MBOAT1: variants seen among roughly 807,000 people sequenced by gnomAD.
The protein encoded by MBOAT1 is membrane-bound glycerophospholipid O-acyltransferase 1.
In MBOAT1, 67 loss-of-function variants were observed where a neutral mutation model predicts 64.4. That is an observed-to-expected ratio of 1.04 (90% confidence interval 0.85 to 1.27). The LOEUF (loss-of-function observed/expected upper bound fraction) is 1.27. MBOAT1 is among the 50% of genes most tolerant of loss of function. The pLI, the probability that MBOAT1 is intolerant of heterozygous loss-of-function variation, is 0.00. For missense variants in MBOAT1, 563 were observed against 604.6 expected, an observed-to-expected ratio of 0.93 and a Z score of 0.72; for synonymous variants, 229 against 218.9, an observed-to-expected ratio of 1.05 and a Z score of -0.41.
At chr6:20,169,126 C>T (rs1005538872) in intron 1 of MBOAT1, among the ~76,000 whole-genome samples, 1 of 152,080 alleles carries the variant, frequency 6.6e-6, no homozygotes, top group Non-Finnish European at 1.5e-5. Flanking sequence ...TAGCCATATA[C>T]GCTCTCCTGT....
Position 20,126,596 on chromosome 6 carries a change from C to A in MBOAT1, c.635G>T (p.Gly212Val). 1 of 1,613,976 alleles carries A rather than the reference C, an allele frequency of 6.2e-7. No individual in the cohort carries two copies. The highest frequency in any genetic ancestry group is 8.5e-7 in the Non-Finnish European group (1 of 1,179,982). Residue 212 changes from glycine to valine, a missense_variant, in exon 7 of 13, where the codon GGG becomes GTG. Transcript: ENST00000324607. ...NFKDYIAFIE[G>V]KHIHMKLLEV... ...CAGCAACTTCATGTGTATATGCTTC[C>A]CCTCAATGAAGGCTATGTAGTCCTT...
intron 7 of MBOAT1, 61 bp downstream of exon 7, chr6:20,126,456 C>CATT: frequency 7.2e-7 from 1 of 1,386,880 alleles, no homozygotes; most frequent in South Asian, 1.4e-5. Flanking sequence ...TAATTAGAAC[C>CATT]ATTATTAGAG....
At chr6:20,208,878 G>A (rs1763340094) in intron 1 of MBOAT1, among the ~76,000 whole-genome samples, 1 of 152,146 alleles carries the variant, frequency 6.6e-6, no homozygotes, top group Non-Finnish European at 1.5e-5. Flanking sequence ...AGCTTTCACA[G>A]CTCCTAGGAC....
chr6:20,201,935 T>A (rs1274993334), intron 1 of MBOAT1, among the ~76,000 whole-genome samples: 1 of 150,798 alleles, frequency 6.6e-6, no homozygotes, highest in African/African-American at 2.4e-5. Context: ...TTTAAAAAAA[T>A]CAATAAAAAA....
chr6:20,162,446 T>A (rs1383725382), intron 1 of MBOAT1, among the ~76,000 whole-genome samples: 1 of 152,210 alleles, frequency 6.6e-6, no homozygotes, highest in Non-Finnish European at 1.5e-5. Flanking sequence ...AGGAGCTTGT[T>A]AACCTATAAT....
chr6:20,104,829 A>C (rs2113622305), intron 12 of MBOAT1, among the ~76,000 whole-genome samples: 1 of 152,374 alleles, frequency 6.6e-6, no homozygotes, highest in African/African-American at 2.4e-5. Flanking sequence ...ACAGAAGCAA[A>C]CATACATGCA....
At chr6:20,191,401 T>C (rs144804803) in intron 1 of MBOAT1, among the ~76,000 whole-genome samples, 1 of 152,354 alleles carries the variant, frequency 6.6e-6, no homozygotes, top group Non-Finnish European at 1.5e-5. Flanking sequence ...AATATTATAT[T>C]GAAGGCTTTC....
chr6:20,124,563 GA>G lies in MBOAT1; in HGVS notation c.751del (p.Ser251LeufsTer6). ...VIHKLGITLV[S>X]LLLFLTLTKT... ...CGTTAGCGTCAAAAACAAAAGGAGA[GA>G]CACCAAGGTGATGCCCAACTTGTGT... On this transcript the variant is annotated frameshift_variant, in exon 8 of 13. Coordinates refer to ENST00000324607, the MANE Select transcript of MBOAT1 (RefSeq NM_001080480.3). LOFTEE classifies it high-confidence loss of function. 6.2e-7 allele frequency: 1 copy of G among 1,614,206 alleles called. No individual in the cohort carries two copies. The highest frequency in any genetic ancestry group is 1.1e-5 in the South Asian group (1 of 91,078).
intron 12 of MBOAT1, among the ~76,000 whole-genome samples, chr6:20,107,709 C>A (rs1416877037): frequency 6.6e-6 from 1 of 151,774 alleles, no homozygotes; most frequent in East Asian, 1.9e-4. Context: ...GGAATACAGG[C>A]ACTTCTGCTA....
chr6:20,179,601 T>C (rs1041674968), intron 1 of MBOAT1, among the ~76,000 whole-genome samples: 1 of 152,230 alleles, frequency 6.6e-6, no homozygotes, highest in Non-Finnish European at 1.5e-5. Context: ...GTGTCTGTTA[T>C]TGTGAATAGT....
intron 8 of MBOAT1, 112 bp downstream of exon 8, chr6:20,124,296 C>G: frequency 9.6e-7 from 1 of 1,046,164 alleles, no homozygotes; most frequent in African/African-American, 1.6e-5. Context: ...CAACTGCCTC[C>G]CATTACGTGT....
At chr6:20,201,981 A>G (rs768885037) in intron 1 of MBOAT1, among the ~76,000 whole-genome samples, 16 of 152,220 alleles carry the variant, frequency 1.1e-4, no homozygotes, top group Non-Finnish European at 1.9e-4. Flanking sequence ...TAAATAAAAT[A>G]AAAACAGAGA....
At chr6:20,172,182 C>T (rs562626304) in intron 1 of MBOAT1, among the ~76,000 whole-genome samples, 1 of 152,234 alleles carries the variant, frequency 6.6e-6, no homozygotes, top group Admixed American at 6.5e-5. Context: ...TGCTTATAAT[C>T]CCAGCACTTT....
chr6:20,180,682 T>C (rs971309998), intron 1 of MBOAT1, among the ~76,000 whole-genome samples: 7 of 152,254 alleles, frequency 4.6e-5, no homozygotes, highest in African/African-American at 1.4e-4. Flanking sequence ...TGAGAATTGC[T>C]GGACTTTAAA....
intron 3 of MBOAT1, among the ~76,000 whole-genome samples, chr6:20,147,710 A>G (rs1233792563): frequency 1.3e-5 from 2 of 151,958 alleles, no homozygotes; most frequent in Non-Finnish European, 2.9e-5. Context: ...GTGGAAATTC[A>G]TCAAACTGTT....
At chr6:20,115,487 C>G in intron 9 of MBOAT1, 135 bp from the exon 10 acceptor site, 1 of 684,810 alleles carries the variant, frequency 1.5e-6, no homozygotes, top group East Asian at 2.7e-5. Context: ...AGCAAGTCAG[C>G]TGTTCCATCC....
intron 6 of MBOAT1, 111 bp from the exon 7 acceptor site, chr6:20,126,811 ACCTTT>A (rs1760667553): frequency 1.3e-6 from 1 of 790,904 alleles, no homozygotes. Context: ...ACATGACATG[ACCTTT>A]CCTTGTTTTG....
chr6:20,168,499 G>GACAGAGAC (rs1393967115), intron 1 of MBOAT1, among the ~76,000 whole-genome samples: 1 of 104,520 alleles, frequency 9.6e-6, no homozygotes, highest in Non-Finnish European at 1.9e-5. Context: ...GACAGAGAGA[G>GACAGAGAC]AGAGAGAGGA....
intron 1 of MBOAT1, among the ~76,000 whole-genome samples, chr6:20,209,421 A>G (rs926773907): frequency 1.3e-5 from 2 of 152,214 alleles, no homozygotes; most frequent in African/African-American, 4.8e-5. Context: ...CACGAAGTTA[A>G]CAGAACAGAT....
Sources: allele counts gnomAD v4.1 joint callset (sites outside exome capture counted in the v4.1 genomes callset), GRCh38; gene constraint gnomAD v4.1.1; transcripts MANE v1.5; gene names NCBI Gene and HGNC (gene_info 2026-07-23, HGNC 2026-07-21).